The following AOX1 variants were observed in gnomAD, a reference collection of about 807,000 sequenced individuals.
AOX1 encodes aldehyde oxidase.
AOX1 carries 153 observed loss-of-function variants against 169.5 expected under a neutral mutation model. The observed-to-expected ratio is 0.90, with a 90% confidence interval of 0.79 to 1.03. The LOEUF is 1.03. Ranked by LOEUF, AOX1 falls within the 50% of genes least tolerant of loss-of-function variation. AOX1 has a pLI of 0.00. For missense variants in AOX1, 1,656 were observed against 1,663.9 expected (o/e 1.00, Z 0.08); for synonymous variants, 562 against 581.9 (o/e 0.97, Z 0.49).
rs776588487 is a variant in AOX1, at chr2:200,608,984, G to A, written c.908G>A (p.Gly303Glu). Residue 303 changes from glycine (G) to glutamate (E), a missense_variant and splice_region_variant, in exon 11 of 35, where the codon GGA becomes GAA. By Grantham distance (98) the Gly-to-Glu change is moderately conservative. Transcript: ENST00000374700. ...TTATTTACAAATGACTTCATTTCAG[G>A]ACTCACCCTTGGTGCTGGTCTCAGC... is the stretch of plus-strand genomic sequence containing the variant. Reference protein sequence around the residue: ...ELSVVNHAYNGLTLGAGLSLA... With the variant: ...ELSVVNHAYNELTLGAGLSLA... The A allele has an allele frequency of 1.5e-5, 24 of 1,612,456 alleles. No individual in the cohort carries two copies. The Admixed American group carries it at 3.7e-4, about 25-fold the overall frequency.
chr2:200,642,055 G>A (rs1334544695), intron 24 of AOX1, among the ~76,000 whole-genome samples: 5 of 152,042 alleles, frequency 3.3e-5, no homozygotes, highest in African/African-American at 7.2e-5. Flanking sequence ...CTTGAACCCC[G>A]GAGGCAGAGG....
intron 15 of AOX1, 75 bp from the exon 16 acceptor site, chr2:200,615,896 A>G: frequency 9.2e-7 from 1 of 1,092,080 alleles, no homozygotes; most frequent in Non-Finnish European, 1.4e-6. Context: ...GCTAAGACTC[A>G]TGCTAGCCTC....
At chr2:200,590,962 G>A (rs1298503130) in intron 1 of AOX1, among the ~76,000 whole-genome samples, 1 of 152,114 alleles carries the variant, frequency 6.6e-6, no homozygotes, top group African/African-American at 2.4e-5. Context: ...CCAAGTAGCG[G>A]GAAGGAAGGA....
intron 33 of AOX1, 58 bp from the exon 34 acceptor site, chr2:200,669,517 C>A: frequency 6.6e-7 from 1 of 1,516,716 alleles, no homozygotes; most frequent in Non-Finnish European, 9.0e-7. Flanking sequence ...TATAAATATG[C>A]ACATATATAC....
chr2:200,606,542 G>A (rs1574915369), intron 10 of AOX1, among the ~76,000 whole-genome samples: 1 of 152,106 alleles, frequency 6.6e-6, no homozygotes, highest in Admixed American at 6.5e-5. Flanking sequence ...GCTTGATGGG[G>A]ATAGCATTGA....
intron 26 of AOX1, among the ~76,000 whole-genome samples, chr2:200,656,352 A>G (rs995311500): frequency 6.6e-6 from 1 of 152,226 alleles, no homozygotes; most frequent in African/African-American, 2.4e-5. Context: ...GTTTCTGATT[A>G]TAAGAGTCTT....
intron 18 of AOX1, 61 bp from the exon 19 acceptor site, chr2:200,623,800 G>A (rs1474865283): frequency 1.2e-6 from 2 of 1,609,264 alleles, no homozygotes; most frequent in Non-Finnish European, 1.7e-6. Context: ...GGAAGAAAAT[G>A]AATAAAAGAG....
chr2:200,600,469 A>G (rs1410110475), intron 5 of AOX1, among the ~76,000 whole-genome samples: 2 of 90,206 alleles, frequency 2.2e-5, no homozygotes, highest in East Asian at 6.1e-4. Flanking sequence ...CTCAGTGTGT[A>G]TGTGGCGGGG....
chr2:200,613,776 C>T, intron 14 of AOX1, 28 bp from the exon 15 acceptor site: 1 of 1,604,084 alleles, frequency 6.2e-7, no homozygotes, highest in East Asian at 2.2e-5. Flanking sequence ...CCCTGTCAGG[C>T]TAGGAGTCTT....
intron 13 of AOX1, among the ~76,000 whole-genome samples, chr2:200,612,236 G>A (rs1167064405): frequency 6.6e-6 from 1 of 152,136 alleles, no homozygotes; most frequent in Non-Finnish European, 1.5e-5. Context: ...TTCAAGGCCT[G>A]AACTAATTAC....
intron 10 of AOX1, among the ~76,000 whole-genome samples, chr2:200,607,941 G>A (rs1436262471): frequency 6.6e-6 from 1 of 152,162 alleles, no homozygotes; most frequent in Non-Finnish European, 1.5e-5. Context: ...CACAGGAAGG[G>A]GAACAACACA....
At chr2:200,616,144 G>A in intron 16 of AOX1, 81 bp downstream of exon 16, 1 of 1,011,356 alleles carries the variant, frequency 9.9e-7, no homozygotes, top group Admixed American at 2.0e-5. Context: ...GTCTCTCCGT[G>A]AAACTCAAGC....
intron 9 of AOX1, 50 bp downstream of exon 9, chr2:200,604,890 TGGGA>T: frequency 1.1e-6 from 1 of 870,412 alleles, no homozygotes; most frequent in Non-Finnish European, 1.8e-6. Flanking sequence ...AAAAAGGGCT[TGGGA>T]TGGGGCCGGG....
At chr2:200,590,434 C>T (rs1242826086) in intron 1 of AOX1, among the ~76,000 whole-genome samples, 1 of 152,046 alleles carries the variant, frequency 6.6e-6, no homozygotes, top group Non-Finnish European at 1.5e-5. Context: ...TAACTGTTAC[C>T]CATCCCCTGT....
chr2:200,650,275 A>G (rs1382657536), intron 25 of AOX1, among the ~76,000 whole-genome samples: 1 of 152,210 alleles, frequency 6.6e-6, no homozygotes, highest in Non-Finnish European at 1.5e-5. Context: ...ATGGCTTACT[A>G]ATTTCCAGTG....
At chr2:200,614,972 C>G (rs1417080725) in intron 15 of AOX1, among the ~76,000 whole-genome samples, 3 of 151,634 alleles carry the variant, frequency 2.0e-5, no homozygotes, top group African/African-American at 7.3e-5. Context: ...GTCTTATACC[C>G]CTCCTCTCTT....
rs186374723 is a variant in AOX1, at chr2:200,661,617, T to A, written c.3414T>A (p.Ala1138=). The change falls in exon 30 of 35, where the codon GCT becomes GCA. Residue 1138 remains alanine, a synonymous_variant. Transcript: ENST00000374700. The part of the protein sequence containing the change: ...TAFDESINLS[A]VGYFRGYESD... The stretch of plus-strand genomic sequence containing the variant: ...TTGATGAAAGCATTAACCTTTCAGC[T>A]GTTGGATACTTCAGGTAAATACTCC... The A allele has an allele frequency of 5.3e-5, 86 of 1,612,552 alleles. No homozygotes were observed. The East Asian group carries it at 1.8e-3, about 33-fold the overall frequency.
At position 200,604,060 on chromosome 2, in the gene AOX1, A is replaced by C; in HGVS notation, c.632A>C (p.Asp211Ala). Residue 211 changes from aspartate to alanine, a missense_variant, in exon 8 of 35, where the codon GAT becomes GCT. By Grantham distance (126) the Asp-to-Ala change is moderately radical. Transcript: ENST00000374700. ...LFAEEEFLPL[D>A]PTQELIFPPE... ...GCAGAAGAGGAGTTTCTGCCATTGG[A>C]TCCAACCCAGGAACTGATATTTCCT... The C allele has an allele frequency of 6.2e-7, 1 of 1,613,606 alleles. No individual in the cohort carries two copies. The highest frequency in any genetic ancestry group is 1.7e-5 in the Admixed American group (1 of 60,016).
In AOX1 at chr2:200,611,434, A is replaced by G; in HGVS notation, c.1204A>G (p.Asn402Asp). ...TGAGCAATTCCTCAGCAAGTGCCCT[A>G]ATGCAGATCTTAAGCCTCAAGAAAT... ...LNEQFLSKCP[N>D]ADLKPQEILV... Residue 402 changes from asparagine to aspartate, a missense_variant, in exon 13 of 35, where the codon AAT becomes GAT. Transcript: ENST00000374700. 1 of 1,614,052 alleles carries G rather than the reference A, an allele frequency of 6.2e-7. No homozygotes were observed. The highest frequency in any genetic ancestry group is 8.5e-7 in the Non-Finnish European group (1 of 1,179,940).
Sources: allele counts gnomAD v4.1 joint callset (sites outside exome capture counted in the v4.1 genomes callset), GRCh38; gene constraint gnomAD v4.1.1; transcripts MANE v1.5; gene names NCBI Gene and HGNC (gene_info 2026-07-23, HGNC 2026-07-21).